Variants in POLK observed in about 807,000 individuals in gnomAD.
POLK encodes polymerase (DNA directed) kappa.
In POLK, 76 loss-of-function variants were observed where a neutral mutation model predicts 94.0. The ratio of observed to expected loss-of-function variants is 0.81; its 90% CI spans 0.67 to 0.98. The LOEUF is 0.98. POLK is among the 50% of genes least tolerant of loss of function. POLK has a pLI of 0.00. For missense variants in POLK, 954 were observed against 1,010.1 expected (o/e 0.94, Z 0.75); for synonymous variants, 349 against 325.4 (o/e 1.07, Z -0.78).
intron 3 of POLK, among the ~76,000 whole-genome samples, chr5:75,553,998 A>G (rs1432812014): frequency 6.6e-6 from 1 of 152,200 alleles, no homozygotes; most frequent in East Asian, 1.9e-4. Flanking sequence ...TGAATTAACA[A>G]AAGTGAATTA....
chr5:75,608,870 A>G, the POLK span: 1 of 152,354 alleles, frequency 6.6e-6, no homozygotes, highest in South Asian at 2.1e-4. Context: ...GTAGGGCCAG[A>G]TCATGTGGGC....
chr5:75,522,182 T>C (rs1344096538), intron 1 of POLK, among the ~76,000 whole-genome samples: 1 of 152,230 alleles, frequency 6.6e-6, no homozygotes, highest in East Asian at 1.9e-4. Flanking sequence ...GGGAAACTGG[T>C]TGTCTACTTC....
chr5:75,563,400 G>A (rs1771093762), intron 3 of POLK, among the ~76,000 whole-genome samples: 2 of 151,992 alleles, frequency 1.3e-5, no homozygotes, highest in Admixed American at 1.3e-4. Flanking sequence ...ATCTCCTTCA[G>A]TTTTGCTCTG....
chr5:75,523,709 T>A (rs775034812), intron 1 of POLK, among the ~76,000 whole-genome samples: 1 of 152,140 alleles, frequency 6.6e-6, no homozygotes, highest in Non-Finnish European at 1.5e-5. Flanking sequence ...AAGCCTTGGG[T>A]TTTTTTGTTG....
intron 3 of POLK, among the ~76,000 whole-genome samples, chr5:75,553,328 G>A (rs974699932): frequency 2.0e-5 from 3 of 152,060 alleles, no homozygotes; most frequent in Non-Finnish European, 2.9e-5. Context: ...ATCAAAATCT[G>A]ATCCAATGTT....
chr5:75,548,524 A>T (rs952492313), intron 2 of POLK, among the ~76,000 whole-genome samples: 1 of 149,626 alleles, frequency 6.7e-6, no homozygotes, highest in Admixed American at 6.7e-5. Flanking sequence ...ATTAATATAC[A>T]TTATATATAC....
At chr5:75,597,309 T>C (rs1773144976) in intron 13 of POLK, 131 bp downstream of exon 13, 2 of 624,008 alleles carry the variant, frequency 3.2e-6, no homozygotes, top group Admixed American at 2.7e-5. Context: ...TTTAGGGAAA[T>C]GTTGGTTACA....
intron 7 of POLK, chr5:75,581,699 G>A: frequency 2.8e-6 from 1 of 355,396 alleles, no homozygotes; most frequent in South Asian, 2.9e-5. Flanking sequence ...TTTTTGAGAT[G>A]GAGTCTTGCT....
At chr5:75,543,981 G>A (rs1187486887) in intron 1 of POLK, among the ~76,000 whole-genome samples, 7 of 151,976 alleles carry the variant, frequency 4.6e-5, no homozygotes, top group African/African-American at 1.5e-4. Flanking sequence ...CTACAGGTGC[G>A]CATCACTACA....
At chr5:75,572,227 T>G (rs1403752874) in intron 4 of POLK, among the ~76,000 whole-genome samples, 1 of 152,232 alleles carries the variant, frequency 6.6e-6, no homozygotes, top group African/African-American at 2.4e-5. Context: ...ATAAGCAATA[T>G]TCTCCTTTTT....
intron 7 of POLK, 179 bp downstream of exon 7, chr5:75,581,627 G>A (rs906471865): frequency 1.7e-6 from 1 of 576,650 alleles, no homozygotes; most frequent in Admixed American, 3.3e-5. Context: ...AAGTAAATTG[G>A]AATTAAGCAG....
At chr5:75,531,759 T>C (rs1376513275) in intron 1 of POLK, among the ~76,000 whole-genome samples, 1 of 151,646 alleles carries the variant, frequency 6.6e-6, no homozygotes, top group East Asian at 1.9e-4. Flanking sequence ...GTCACTACAC[T>C]CCAGCCTGGG....
chr5:75,570,375 T>C lies in POLK; in HGVS notation c.408+883T>C, dbSNP rs548585155. 2.0e-5 allele frequency among the ~76,000 whole-genome samples: 3 copies of C among 152,300 alleles called. No homozygotes were observed. The East Asian group carries it at 5.8e-4, about 29-fold the overall frequency. ...GTATTAATAGAGATTTTCAAACTGA[T>C]CTGCAGGCCAAATCCAGCTTTTTAT... On this transcript the variant is annotated intron_variant, in intron 4 of 14. Transcript: ENST00000241436.
At chr5:75,536,351 T>C (rs1297280698) in intron 1 of POLK, among the ~76,000 whole-genome samples, 2 of 152,194 alleles carry the variant, frequency 1.3e-5, no homozygotes, top group African/African-American at 2.4e-5. Context: ...CTGCTATCTG[T>C]GTGCTTCCTG....
chr5:75,569,446 C>A, exon 4 of POLK: 2 of 1,613,562 alleles, frequency 1.2e-6, no homozygotes, highest in Non-Finnish European at 1.7e-6. Context: ...AGGGACAATC[C>A]AGAATTGAAG....
intron 1 of POLK, among the ~76,000 whole-genome samples, chr5:75,546,799 G>T (rs1770045713): frequency 6.6e-6 from 1 of 152,068 alleles, no homozygotes; most frequent in South Asian, 2.1e-4. Context: ...CCTAGTAGCT[G>T]GGACTACAGG....
At chr5:75,577,628 G>A (rs531559707) in intron 6 of POLK, among the ~76,000 whole-genome samples, 1 of 152,234 alleles carries the variant, frequency 6.6e-6, no homozygotes, top group South Asian at 2.1e-4. Context: ...GACACAGAAG[G>A]GTTTGCTCAC....
intron 1 of POLK, among the ~76,000 whole-genome samples, chr5:75,527,813 G>A (rs1005444884): frequency 2.2e-4 from 33 of 152,202 alleles, no homozygotes; most frequent in African/African-American, 7.5e-4. Flanking sequence ...TAAAATGTCT[G>A]TCTTATTAAG....
chr5:75,571,838 T>A (rs998147494), intron 4 of POLK, among the ~76,000 whole-genome samples: 9 of 152,168 alleles, frequency 5.9e-5, no homozygotes, highest in African/African-American at 1.4e-4. Flanking sequence ...AATCTAAAAG[T>A]TAGAGAAATT....
Sources: gnomAD v4.1 joint callset for allele counts (sites outside exome capture counted in the v4.1 genomes callset) on GRCh38, gnomAD v4.1.1 for gene constraint, MANE v1.5 for transcripts, NCBI Gene and HGNC (gene_info 2026-07-23, HGNC 2026-07-21) for gene names.